The following SLC44A5 variants were observed in gnomAD, a reference collection of about 807,000 sequenced individuals.
The protein encoded by SLC44A5 is choline transporter-like protein 5.
A neutral mutation model predicts 101.8 loss-of-function variants in SLC44A5; 57 were observed. The observed-to-expected ratio is 0.56, with a 90% CI of 0.45 to 0.70. The LOEUF (loss-of-function observed/expected upper bound fraction) is 0.70, where lower values mean the gene tolerates loss of function less well. Among genes scored for constraint, SLC44A5 ranks in the 30% least tolerant of loss-of-function variants. SLC44A5 has a pLI of 0.00. For missense variants in SLC44A5, 737 were observed against 853.1 expected (o/e 0.86, Z 1.70); for synonymous variants, 281 against 290.9 (o/e 0.97, Z 0.35).
At chr1:75,572,083 G>A (rs1398524055) in intron 1 of SLC44A5, among the ~76,000 whole-genome samples, 1 of 152,190 alleles carries the variant, frequency 6.6e-6, no homozygotes, top group African/African-American at 2.4e-5. Flanking sequence ...AAAGATCTTT[G>A]TGGTTTGCAA....
At chr1:75,414,447 T>G (rs182486348) in intron 2 of SLC44A5, among the ~76,000 whole-genome samples, 1 of 152,180 alleles carries the variant, frequency 6.6e-6, no homozygotes, top group Non-Finnish European at 1.5e-5. Context: ...GTATCTACAT[T>G]CTTAAAAACA....
intron 6 of SLC44A5, among the ~76,000 whole-genome samples, chr1:75,256,652 A>T (rs1650045461): frequency 6.6e-6 from 1 of 152,166 alleles, no homozygotes; most frequent in Non-Finnish European, 1.5e-5. Flanking sequence ...GACAAATCTG[A>T]TCATGTAAAA....
At chr1:75,256,077 C>A (rs1649996425) in intron 6 of SLC44A5, among the ~76,000 whole-genome samples, 1 of 151,974 alleles carries the variant, frequency 6.6e-6, no homozygotes, top group Admixed American at 6.6e-5. Flanking sequence ...ATATAGGAAA[C>A]AATAAATTCA....
chr1:75,704,014 C>G, the SLC44A5 span, among the ~76,000 whole-genome samples: 1 of 151,730 alleles, frequency 6.6e-6, no homozygotes, highest in African/African-American at 2.4e-5. Context: ...ATGGTGGGAC[C>G]CTGTCTCTAA....
chr1:75,236,022 G>A (rs1201003137), intron 11 of SLC44A5, among the ~76,000 whole-genome samples: 1 of 152,014 alleles, frequency 6.6e-6, no homozygotes, highest in Non-Finnish European at 1.5e-5. Context: ...TACATCTGGG[G>A]AAGATAATAA....
chr1:75,340,309 T>C (rs1482164397), intron 3 of SLC44A5, among the ~76,000 whole-genome samples: 2 of 152,154 alleles, frequency 1.3e-5, no homozygotes, highest in Admixed American at 6.5e-5. Flanking sequence ...ATGTACTGTG[T>C]GGGCAGACCC....
intron 2 of SLC44A5, among the ~76,000 whole-genome samples, chr1:75,509,772 C>G (rs966510557): frequency 6.6e-6 from 1 of 152,124 alleles, no homozygotes; most frequent in African/African-American, 2.4e-5. Flanking sequence ...GACCCACAGT[C>G]TAGTGAATGA....
rs190042586 is a variant in SLC44A5 at position 75,357,121 on chromosome 1, T to C, written c.53-17491A>G. Reference sequence around the variant, plus strand: ...AAATCAATTTTAATTCCCACATCCATGCCATCCAATCCATCTTCAGTTATC... The same window carrying C: ...AAATCAATTTTAATTCCCACATCCACGCCATCCAATCCATCTTCAGTTATC... On this transcript the variant is annotated intron_variant, in intron 3 of 23. Transcript: ENST00000370859. The C allele has an allele frequency of 6.7e-6, 3 of 448,868 alleles. No homozygotes were observed. The East Asian group carries it at 2.1e-4, about 31-fold the overall frequency. The allele number at this position is 448,868 out of a possible 1,614,324, so 27.8% of individuals were successfully genotyped here.
chr1:75,411,153 G>T (rs951399019), intron 2 of SLC44A5, among the ~76,000 whole-genome samples: 1 of 152,048 alleles, frequency 6.6e-6, no homozygotes, highest in Admixed American at 6.6e-5. Flanking sequence ...AGGTCCTTGG[G>T]ACTAGAGAGC....
chr1:75,686,175 TGGGTGG>T, the SLC44A5 span, among the ~76,000 whole-genome samples: 1 of 152,186 alleles, frequency 6.6e-6, no homozygotes, highest in African/African-American at 2.4e-5. Flanking sequence ...AGGTGAGATT[TGGGTGG>T]GGACACAGCC....
intron 2 of SLC44A5, among the ~76,000 whole-genome samples, chr1:75,418,231 T>G (rs1663783187): frequency 6.6e-6 from 1 of 152,184 alleles, no homozygotes; most frequent in Non-Finnish European, 1.5e-5. Flanking sequence ...ACACAACAAT[T>G]AGTCAACAGA....
At chr1:75,405,894 A>C (rs1333209112) in intron 2 of SLC44A5, among the ~76,000 whole-genome samples, 2 of 136,172 alleles carry the variant, frequency 1.5e-5, no homozygotes, top group African/African-American at 5.6e-5. Context: ...AAAAAAAAAA[A>C]AACCCTTTAA....
At chr1:75,385,976 G>C (rs1661309038) in intron 3 of SLC44A5, among the ~76,000 whole-genome samples, 1 of 152,108 alleles carries the variant, frequency 6.6e-6, no homozygotes, top group Non-Finnish European at 1.5e-5. Context: ...TATCTCAATA[G>C]ATGCAGAAAA....
At chr1:75,481,448 A>G (rs1036434526) in intron 2 of SLC44A5, among the ~76,000 whole-genome samples, 38 of 152,274 alleles carry the variant, frequency 2.5e-4, no homozygotes, top group African/African-American at 8.9e-4. Flanking sequence ...AAAAGAAACT[A>G]CCATCAGACT....
intron 2 of SLC44A5, among the ~76,000 whole-genome samples, chr1:75,487,755 G>C (rs2101800731): frequency 6.6e-6 from 1 of 152,198 alleles, no homozygotes; most frequent in South Asian, 2.1e-4. Context: ...ACCTATATGA[G>C]ATCGCCTACT....
intron 23 of SLC44A5, chr1:75,206,107 A>T (rs1016706126): frequency 4.6e-5 from 7 of 152,950 alleles, no homozygotes; most frequent in African/African-American, 1.7e-4. Flanking sequence ...GGAACCATTA[A>T]TACAAGTTTA....
At chr1:75,586,597 A>G (rs1674015313) in intron 1 of SLC44A5, among the ~76,000 whole-genome samples, 1 of 151,766 alleles carries the variant, frequency 6.6e-6, no homozygotes, top group Non-Finnish European at 1.5e-5. Flanking sequence ...TCCTTTCTCA[A>G]CAAGGCCTTA....
At chr1:75,376,607 G>A (rs1208703982) in intron 3 of SLC44A5, among the ~76,000 whole-genome samples, 1 of 152,002 alleles carries the variant, frequency 6.6e-6, no homozygotes, top group Non-Finnish European at 1.5e-5. Context: ...CAACAGACCT[G>A]CAGCTGAGGG....
At chr1:75,452,798 G>A (rs1055083308) in intron 2 of SLC44A5, among the ~76,000 whole-genome samples, 2 of 151,986 alleles carry the variant, frequency 1.3e-5, no homozygotes, top group African/African-American at 2.4e-5. Context: ...GCAAAGGGGG[G>A]CATTACAAAA....
Sources: gnomAD v4.1 joint callset for allele counts (sites outside exome capture counted in the v4.1 genomes callset) on GRCh38, gnomAD v4.1.1 for gene constraint, MANE v1.5 for transcripts, NCBI Gene and HGNC (gene_info 2026-07-23, HGNC 2026-07-21) for gene names.